EXTL3: variants seen among roughly 807,000 people sequenced by gnomAD.
The protein encoded by EXTL3 is exostosin-like 3.
Under a neutral mutation model 69.3 loss-of-function variants are expected in EXTL3, and 27 were observed. The ratio of observed to expected loss-of-function variants is 0.39; its 90% CI spans 0.29 to 0.54. EXTL3 has a LOEUF of 0.54. EXTL3 is among the 20% of genes least tolerant of loss of function. The pLI is 0.69. For synonymous variants in EXTL3, 511 were observed against 499.4 expected (o/e 1.02, Z -0.31); for missense variants, 1,003 against 1,231.8 (o/e 0.81, Z 2.78).
chr8:28,712,252 A>G (rs1057504370), intron 1 of EXTL3, among the ~76,000 whole-genome samples: 2 of 152,174 alleles, frequency 1.3e-5, no homozygotes, highest in African/African-American at 4.8e-5. Flanking sequence ...TCGAGGAGGT[A>G]AGAGGAGGCC....
Position 28,713,538 on chromosome 8 carries a change from C to T in EXTL3, c.-488C>T, listed in dbSNP as rs1801074883. ...TACACAAGTCAGAGGAAGGAAGGGT[C>T]CTGAAACACATGGTGAGGAAGGAAT... is the stretch of plus-strand genomic sequence containing the variant. On this transcript the variant is annotated 5_prime_UTR_variant, in exon 2 of 7. Transcript: ENST00000220562. 1.4e-6 allele frequency: 1 copy of T among 702,014 alleles called. No individual in the cohort carries two copies. The highest frequency in any genetic ancestry group is 2.6e-6 in the Non-Finnish European group (1 of 384,844). 43.5% of individuals were successfully genotyped at this position (702,014 alleles called of 1,614,324 possible).
chr8:28,685,697 T>G (rs1287607466), intron 1 of EXTL3, among the ~76,000 whole-genome samples: 1 of 152,038 alleles, frequency 6.6e-6, no homozygotes, highest in Admixed American at 6.6e-5. Context: ...ATTTTGCAAG[T>G]TTTTTGTACA....
Position 28,623,947 on chromosome 8 carries a change from C to G in EXTL3, c.-53+1137C>G, listed in dbSNP as rs969783659. Among the ~76,000 whole-genome samples the G allele has an allele frequency of 1.3e-5, 2 of 152,042 alleles. No homozygotes were observed. Among genetic ancestry groups the G allele is most frequent in the Non-Finnish European group, 2.9e-5 (2 of 67,996 alleles). On this transcript the variant is annotated intron_variant, in intron 1 of 6. Transcript: ENST00000523149. The surrounding 1 kb of genome is among the most constrained non-coding windows in gnomAD (Gnocchi z 4.2). The stretch of plus-strand genomic sequence containing the variant: ...TTAATATTATATTTATTGTTCATTC[C>G]AAGTCTAAAATGCTAGCAATGAACT...
At chr8:28,682,961 T>G (rs537188190) in intron 1 of EXTL3, among the ~76,000 whole-genome samples, 37 of 152,230 alleles carry the variant, frequency 2.4e-4, no homozygotes, top group Non-Finnish European at 4.9e-4. Flanking sequence ...AAGGTCTAAT[T>G]TCATTCTTTT....
chr8:28,643,560 G>A (rs181287294), intron 1 of EXTL3, among the ~76,000 whole-genome samples: 536 of 151,592 alleles, frequency 3.5e-3, no homozygotes, highest in African/African-American at 0.011. Context: ...GACTACAGGC[G>A]CCCGCTACCA....
intron 1 of EXTL3, among the ~76,000 whole-genome samples, chr8:28,686,654 C>T (rs942638952): frequency 2.0e-5 from 3 of 152,024 alleles, no homozygotes; most frequent in African/African-American, 7.2e-5. Flanking sequence ...TTAAAGCCAG[C>T]GATGATAGTA....
chr8:28,621,567 C>A (rs1806409770), upstream of EXTL3, among the ~76,000 whole-genome samples: 1 of 152,192 alleles, frequency 6.6e-6, no homozygotes, highest in Non-Finnish European at 1.5e-5. Flanking sequence ...TTGTGCCCCA[C>A]CAGGGTTTGC....
chr8:28,704,442 G>A (rs1343356734), intron 1 of EXTL3, among the ~76,000 whole-genome samples: 1 of 152,212 alleles, frequency 6.6e-6, no homozygotes, highest in African/African-American at 2.4e-5. Context: ...GCGGGTGCCT[G>A]CCTTAGAGTG....
intron 5 of EXTL3, among the ~76,000 whole-genome samples, chr8:28,739,135 T>C (rs139853471): frequency 1.2e-3 from 190 of 152,258 alleles, no homozygotes; most frequent in African/African-American, 4.5e-3. Context: ...CTTGCTGAGG[T>C]CTGCGTTTGT....
At chr8:28,730,400 C>T (rs1386163231) in intron 3 of EXTL3, among the ~76,000 whole-genome samples, 1 of 152,138 alleles carries the variant, frequency 6.6e-6, no homozygotes, top group Non-Finnish European at 1.5e-5. Flanking sequence ...ATGAGCCATC[C>T]AAGTACTGGC....
intron 1 of EXTL3, among the ~76,000 whole-genome samples, chr8:28,681,767 A>G (rs149299940): frequency 4.6e-5 from 7 of 152,108 alleles, no homozygotes; most frequent in Non-Finnish European, 8.8e-5. Flanking sequence ...CTTATCAACA[A>G]TATAGGCTGG....
At chr8:28,709,384 T>G (rs971844104) in intron 1 of EXTL3, among the ~76,000 whole-genome samples, 1 of 152,168 alleles carries the variant, frequency 6.6e-6, no homozygotes, top group Admixed American at 6.5e-5. Context: ...ATTGGGAACA[T>G]CTGGAAAGCG....
chr8:28,635,434 G>T (rs924892854), intron 1 of EXTL3, among the ~76,000 whole-genome samples: 1 of 149,552 alleles, frequency 6.7e-6, no homozygotes, highest in Middle Eastern at 3.2e-3. Context: ...GAGCGCAGTG[G>T]CTCACACCTG....
At chr8:28,657,571 A>G (rs549495299) in intron 1 of EXTL3, among the ~76,000 whole-genome samples, 71 of 152,138 alleles carry the variant, frequency 4.7e-4, no homozygotes, top group African/African-American at 1.6e-3. Flanking sequence ...TTTATCCTTC[A>G]AGGTTTCTGG....
chr8:28,660,998 C>T (rs1409249386), intron 1 of EXTL3, among the ~76,000 whole-genome samples: 1 of 150,714 alleles, frequency 6.6e-6, no homozygotes, highest in African/African-American at 2.4e-5. Flanking sequence ...ACTGCAAGCT[C>T]CGCCTCCCGG....
chr8:28,742,082 C>T (rs112751051), intron 5 of EXTL3: 27 of 152,272 alleles, frequency 1.8e-4, no homozygotes, highest in African/African-American at 5.5e-4. Flanking sequence ...ACATGAGTCA[C>T]TGAACACGGA....
At chr8:28,656,563 G>A (rs908722922) in intron 1 of EXTL3, among the ~76,000 whole-genome samples, 1 of 152,082 alleles carries the variant, frequency 6.6e-6, no homozygotes, top group Non-Finnish European at 1.5e-5. Context: ...AATAAAGGGG[G>A]AAGTTTTTTG....
chr8:28,699,186 A>T (rs1275550931), upstream of EXTL3, among the ~76,000 whole-genome samples: 1 of 152,130 alleles, frequency 6.6e-6, no homozygotes, highest in Non-Finnish European at 1.5e-5. Flanking sequence ...CCAAAAAATA[A>T]ATAAAAATAG....
chr8:28,748,052 T>G (rs1801925661), intron 6 of EXTL3, among the ~76,000 whole-genome samples: 1 of 152,188 alleles, frequency 6.6e-6, no homozygotes, highest in Non-Finnish European at 1.5e-5. Context: ...TAAATTTATA[T>G]ACTTGATTTG....
Sources: gnomAD v4.1 joint callset for allele counts (sites outside exome capture counted in the v4.1 genomes callset) on GRCh38, gnomAD v4.1.1 for gene constraint, Gnocchi (gnomAD v3.1) non-coding constraint, MANE v1.5 for transcripts, NCBI Gene and HGNC (gene_info 2026-07-23, HGNC 2026-07-21) for gene names.